The following TAFA1 variants were observed in gnomAD, a reference collection of about 807,000 sequenced individuals.
TAFA1 encodes chemokine-like protein TAFA-1.
Under a neutral mutation model 18.5 loss-of-function variants are expected in TAFA1, and 4 were observed. That is an observed-to-expected ratio of 0.22 (90% CI 0.11 to 0.49). The LOEUF (loss-of-function observed/expected upper bound fraction) is 0.49. TAFA1 is among the 20% of genes least tolerant of loss of function. The pLI, the probability that TAFA1 is intolerant of heterozygous loss-of-function variation, is 0.98. For synonymous variants in TAFA1, 56 were observed against 55.2 expected (o/e 1.01, Z -0.06); for missense variants, 147 against 169.0 (o/e 0.87, Z 0.72).
At position 68,361,417 on chromosome 3, in the gene TAFA1, G is replaced by A. The variant is rs1184904631; in HGVS notation, c.119-55863G>A. Among the ~76,000 whole-genome samples, 4 of 151,956 alleles carry A rather than the reference G, an allele frequency of 2.6e-5. No homozygotes were observed. The East Asian group carries it at 7.7e-4, about 29-fold the overall frequency. On this transcript the variant is annotated intron_variant, in intron 2 of 4. Coordinates refer to ENST00000478136, the MANE Select transcript of TAFA1 (RefSeq NM_213609.4). ...CAAACATAGACAAAAAAGCGCCAAT[G>A]TTCGATAGCAGAGTAGGGTGACTAT...
intron 3 of TAFA1, among the ~76,000 whole-genome samples, chr3:68,515,654 G>T (rs186414453): frequency 1.2e-4 from 18 of 152,276 alleles, no homozygotes; most frequent in African/African-American, 1.4e-4. Context: ...AATCAAAAAA[G>T]ATATCAAAAT....
intron 3 of TAFA1, among the ~76,000 whole-genome samples, chr3:68,458,304 A>G (rs559500211): frequency 2.6e-5 from 4 of 152,118 alleles, no homozygotes; most frequent in African/African-American, 9.7e-5. Flanking sequence ...CTTCCTGTAC[A>G]GTCTGTGGAG....
chr3:68,407,354 G>T (rs2070631775), intron 2 of TAFA1, among the ~76,000 whole-genome samples: 1 of 152,076 alleles, frequency 6.6e-6, no homozygotes. Context: ...CACCCTGGAT[G>T]TCAGTGTTAG....
At chr3:68,414,876 C>A (rs1005662535) in intron 2 of TAFA1, among the ~76,000 whole-genome samples, 1 of 152,180 alleles carries the variant, frequency 6.6e-6, no homozygotes, top group Non-Finnish European at 1.5e-5. Flanking sequence ...CATTTTCAAT[C>A]ATAAATATTG....
At chr3:68,493,812 G>A (rs181705943) in intron 3 of TAFA1, among the ~76,000 whole-genome samples, 2 of 152,284 alleles carry the variant, frequency 1.3e-5, no homozygotes, top group African/African-American at 4.8e-5. Context: ...ATAAGTTTAT[G>A]ACGTTTTCCT....
chr3:68,159,282 A>T (rs1303284549), intron 2 of TAFA1, among the ~76,000 whole-genome samples: 1 of 152,168 alleles, frequency 6.6e-6, no homozygotes, highest in Admixed American at 6.5e-5. Context: ...CCTATGCAAA[A>T]TGCCTGAGTT....
At chr3:68,364,259 T>A (rs2069526092) in intron 2 of TAFA1, among the ~76,000 whole-genome samples, 2 of 152,180 alleles carry the variant, frequency 1.3e-5, no homozygotes, top group South Asian at 4.1e-4. Flanking sequence ...TGGACTTCAA[T>A]CCAGACTTGC....
chr3:68,339,660 T>G (rs1441902444), intron 2 of TAFA1, among the ~76,000 whole-genome samples: 1 of 152,244 alleles, frequency 6.6e-6, no homozygotes, highest in Non-Finnish European at 1.5e-5. Flanking sequence ...ACATTGCCAG[T>G]GTTTTTGAAT....
chr3:68,262,307 GTATATATATATATATATATATATATA>G (rs763753757), intron 2 of TAFA1, among the ~76,000 whole-genome samples: 2,351 of 32,260 alleles, frequency 0.073, 174 homozygotes, highest in African/African-American at 0.19. Flanking sequence ...GATATGGAGG[GTATATATATATATATATATATATATA>G]TATATATATA....
At chr3:68,406,229 T>C (rs2070605438) in intron 2 of TAFA1, among the ~76,000 whole-genome samples, 1 of 152,168 alleles carries the variant, frequency 6.6e-6, no homozygotes, top group Admixed American at 6.6e-5. Context: ...TCATATAAAA[T>C]AGCATGGCCT....
rs139928697 is a variant in TAFA1 at position 68,263,023 on chromosome 3, G to A, written c.119-154257G>A. Reference sequence around the variant, plus strand: ...TCTGGAAGGACAGTCACCCCTGATAGAACACAGCATTTTCTGTTAGTCAGC... The same window carrying A: ...TCTGGAAGGACAGTCACCCCTGATAAAACACAGCATTTTCTGTTAGTCAGC... On this transcript the variant is annotated intron_variant, in intron 2 of 4. Transcript: ENST00000478136. Among the ~76,000 whole-genome samples the A allele has an allele frequency of 4.5e-3, 683 of 152,278 alleles. 6 individuals are homozygous for A. Among genetic ancestry groups the A allele is most frequent in the Non-Finnish European group, 7.8e-3 (530 of 68,010 alleles).
intron 2 of TAFA1, among the ~76,000 whole-genome samples, chr3:68,034,143 T>A (rs1704996342): frequency 6.6e-6 from 1 of 152,158 alleles, no homozygotes; most frequent in South Asian, 2.1e-4. Flanking sequence ...AAATTATAGA[T>A]TAAGCTAAAT....
At chr3:68,533,928 G>A (rs1482548113) in intron 3 of TAFA1, among the ~76,000 whole-genome samples, 1 of 152,070 alleles carries the variant, frequency 6.6e-6, no homozygotes, top group African/African-American at 2.4e-5. Context: ...GGATATATAT[G>A]AAGATGGCCA....
intron 2 of TAFA1, among the ~76,000 whole-genome samples, chr3:68,128,635 C>G (rs914308253): frequency 1.3e-5 from 2 of 152,196 alleles, no homozygotes; most frequent in Non-Finnish European, 2.9e-5. Context: ...GATTGGTCCT[C>G]TCTGCTCTTC....
intron 3 of TAFA1, among the ~76,000 whole-genome samples, chr3:68,502,392 A>G (rs970802874): frequency 2.6e-5 from 4 of 152,168 alleles, no homozygotes; most frequent in African/African-American, 9.6e-5. Context: ...GTTACTTATG[A>G]AACCTCAGCT....
the TAFA1 span, among the ~76,000 whole-genome samples, chr3:67,993,497 T>C: frequency 6.6e-6 from 1 of 152,210 alleles, no homozygotes; most frequent in African/African-American, 2.4e-5. Flanking sequence ...ATTATAATGT[T>C]ATATGAGTCA....
chr3:68,058,350 A>G (rs967644237), intron 2 of TAFA1, among the ~76,000 whole-genome samples: 1 of 152,224 alleles, frequency 6.6e-6, no homozygotes, highest in Admixed American at 6.5e-5. Flanking sequence ...ACATAATAAC[A>G]GCTCAAAAAC....
chr3:68,325,044 C>A (rs1028699075), intron 2 of TAFA1, among the ~76,000 whole-genome samples: 4 of 152,128 alleles, frequency 2.6e-5, no homozygotes, highest in Non-Finnish European at 5.9e-5. Context: ...TGGTCTACTG[C>A]CAGATCTGCT....
chr3:68,120,401 A>C (rs891423310), intron 2 of TAFA1, among the ~76,000 whole-genome samples: 5 of 151,910 alleles, frequency 3.3e-5, no homozygotes, highest in Non-Finnish European at 7.4e-5. Flanking sequence ...GGTGTACAGC[A>C]CTGCACCTGG....
Sources: gnomAD v4.1 joint callset for allele counts (sites outside exome capture counted in the v4.1 genomes callset) on GRCh38, gnomAD v4.1.1 for gene constraint, MANE v1.5 for transcripts, NCBI Gene and HGNC (gene_info 2026-07-23, HGNC 2026-07-21) for gene names.